FLCN: variants seen among roughly 807,000 people sequenced by gnomAD.
FLCN encodes the protein BHD skin lesion fibrofolliculoma protein.
FLCN carries 22 observed loss-of-function variants against 62.5 expected under a neutral mutation model. The observed-to-expected ratio is 0.35, with a 90% confidence interval of 0.25 to 0.50. FLCN has a LOEUF of 0.50. FLCN is among the 20% of genes least tolerant of loss of function. FLCN has a pLI of 0.97. For synonymous variants in FLCN, 319 were observed against 310.0 expected, an observed-to-expected ratio of 1.03 and a Z score of -0.30; for missense variants, 657 against 778.0, an observed-to-expected ratio of 0.84 and a Z score of 1.85.
intron 12 of FLCN, 43 bp from the exon 13 acceptor site, chr17:17,215,133 C>T (rs751386878): frequency 2.8e-5 from 45 of 1,613,818 alleles, no homozygotes; most frequent in East Asian, 4.5e-5. Context: ...GGCGTTAGCG[C>T]GGGGCGGGGG....
intron 4 of FLCN, among the ~76,000 whole-genome samples, chr17:17,227,349 C>T (rs934239281): frequency 1.5e-4 from 22 of 151,626 alleles, no homozygotes; most frequent in African/African-American, 5.1e-4. Context: ...TTTGGGGACC[C>T]GCCTCCAGGA....
chr17:17,219,471 C>A, intron 8 of FLCN: 1 of 506,518 alleles, frequency 2.0e-6, no homozygotes, highest in South Asian at 2.3e-5. Flanking sequence ...TGAGAAAACT[C>A]AAATCAGTAA....
rs1211934116 is a variant in FLCN, at chr17:17,226,295, G to C, written c.277C>G (p.Pro93Ala). The C allele has an allele frequency of 6.2e-7, 1 of 1,614,172 alleles. No individual in the cohort carries two copies. The highest frequency in any genetic ancestry group is 8.5e-7 in the Non-Finnish European group (1 of 1,180,042). The change falls in exon 5 of 14, where the codon CCG becomes GCG. Residue 93 changes from proline (P) to alanine (A), a missense_variant. Coordinates refer to ENST00000285071, the MANE Select transcript of FLCN (RefSeq NM_144997.7). Reference protein sequence around the residue: ...EGCRSLAAGHPGYISHDKETS... With the variant: ...EGCRSLAAGHAGYISHDKETS... ...TCTTTATCATGGCTGATATATCCCG[G>C]GTGCCCTGCAGCAAGTGACCGGCAG... is the stretch of plus-strand genomic sequence containing the variant.
rs1424120563 is a variant in FLCN at position 17,213,333 on chromosome 17, G to A, written c.*322C>T. 4.0e-6 allele frequency: 2 copies of A among 504,904 alleles called. No individual in the cohort carries two copies. Among genetic ancestry groups the A allele is most frequent in the Admixed American group, 3.2e-5 (1 of 30,918 alleles). 31.3% of individuals were successfully genotyped at this position (504,904 alleles called of 1,614,324 possible). On this transcript the variant is annotated 3_prime_UTR_variant, in exon 14 of 14. Coordinates refer to ENST00000285071, the MANE Select transcript of FLCN (RefSeq NM_144997.7). Reference sequence around the variant, plus strand: ...ACTGAGTCGGACCTGTTTCTCCTGCGGGTTTTGAGTCTAAGTCCACAAGGG... The same window carrying A: ...ACTGAGTCGGACCTGTTTCTCCTGCAGGTTTTGAGTCTAAGTCCACAAGGG...
Position 17,216,997 on chromosome 17 carries a change from C to T in FLCN, c.1176+72G>A, listed in dbSNP as rs1160842458. 6.2e-6 allele frequency: 7 copies of T among 1,135,512 alleles called. No homozygotes were observed. Among genetic ancestry groups the T allele is most frequent in the Non-Finnish European group, 9.3e-6 (7 of 750,318 alleles). The allele number at this position is 1,135,512 out of a possible 1,614,324, so 70.3% of individuals were successfully genotyped here. On this transcript the variant is annotated intron_variant, in intron 10 of 13. Coordinates refer to ENST00000285071, the MANE Select transcript of FLCN (RefSeq NM_144997.7). This position sits in a 1 kb window ranked among gnomAD's most constrained non-coding sequence, Gnocchi z 4.0. ...GTGCTGGGCAGTCGGTGCACCTTGG[C>T]ATCCCCACCTGACGCCAGGCACCAG...
intron 1 of FLCN, among the ~76,000 whole-genome samples, chr17:17,233,687 G>A (rs527637572): frequency 9.3e-5 from 14 of 150,236 alleles, no homozygotes; most frequent in Admixed American, 3.3e-4. Flanking sequence ...TTCAGCCTGG[G>A]AGGTCAAGGC....
At chr17:17,228,377 A>C in intron 3 of FLCN, 1 of 568,328 alleles carries the variant, frequency 1.8e-6, no homozygotes, top group Non-Finnish European at 3.1e-6. Flanking sequence ...CAAATAGGGG[A>C]GGGGACAATG....
chr17:17,214,574 A>G (rs2046851818), intron 13 of FLCN, among the ~76,000 whole-genome samples: 1 of 152,190 alleles, frequency 6.6e-6, no homozygotes, highest in African/African-American at 2.4e-5. Flanking sequence ...AGCCTGGGCA[A>G]CAAGAGCCAA....
At chr17:17,226,436 T>C in intron 4 of FLCN, 114 bp from the exon 5 acceptor site, 1 of 1,283,478 alleles carries the variant, frequency 7.8e-7, no homozygotes, top group East Asian at 2.4e-5. Context: ...AAAAAAATAA[T>C]TGGCTTCCAG....
At position 17,219,162 on chromosome 17, in the gene FLCN, C is replaced by T. The variant is rs932256543; in HGVS notation, c.919G>A (p.Glu307Lys). 2 of 1,614,216 alleles carry T rather than the reference C, an allele frequency of 1.2e-6. No homozygotes were observed. The highest frequency in any genetic ancestry group is 1.7e-6 in the Non-Finnish European group (2 of 1,180,046). The change falls in exon 9 of 14, where the codon GAG becomes AAG. Residue 307 changes from glutamate to lysine, a missense_variant. Physicochemically the swap from Glu to Lys is moderately conservative, Grantham distance 56. Coordinates refer to ENST00000285071, the MANE Select transcript of FLCN (RefSeq NM_144997.7). ...TCTGGCAACACAGGGGCTTTCTCCTCCTCTTCAGCCTCAGAGTTGTCCCAG... is the reference window on the plus strand; with the variant it reads ...TCTGGCAACACAGGGGCTTTCTCCTTCTCTTCAGCCTCAGAGTTGTCCCAG... ...ESWDNSEAEE[E>K]EKAPVLPEST...
At position 17,213,654 on chromosome 17, in the gene FLCN, G is replaced by A. The variant is rs759292330; in HGVS notation, c.*1C>T. The A allele has an allele frequency of 2.4e-5, 39 of 1,614,010 alleles. No homozygotes were observed. Among genetic ancestry groups the A allele is most frequent in the Non-Finnish European group, 3.2e-5 (38 of 1,180,042 alleles). On this transcript the variant is annotated 3_prime_UTR_variant, in exon 14 of 14. Coordinates refer to ENST00000285071, the MANE Select transcript of FLCN (RefSeq NM_144997.7). ...GTCTTTAGGCAGGTGTGTGTGACGG[G>A]TCAGTTCCGAGACTCCGAGGCTGTG...
In FLCN at chr17:17,216,115, G is replaced by A. The variant is rs903712714; in HGVS notation, c.1300+265C>T. Among the ~76,000 whole-genome samples, 4 of 152,254 alleles carry A rather than the reference G, an allele frequency of 2.6e-5. No individual in the cohort carries two copies. Among genetic ancestry groups the A allele is most frequent in the East Asian group, 3.9e-4 (2 of 5,190 alleles). On this transcript the variant is annotated intron_variant, in intron 11 of 13. Transcript: ENST00000285071. This position sits in a 1 kb window ranked among gnomAD's most constrained non-coding sequence, Gnocchi z 4.0. Reference sequence around the variant, plus strand: ...ATCACCAGGACGACCAGGATCCTCCGGCCAGGGACACATCCTCCCACCCCA... The same window carrying A: ...ATCACCAGGACGACCAGGATCCTCCAGCCAGGGACACATCCTCCCACCCCA...
rs41459448 is a variant in FLCN, at chr17:17,216,402, G to A, written c.1278C>T (p.Ile426=). Residue 426 remains isoleucine, a synonymous_variant, in exon 11 of 14, where the codon ATC becomes ATT. Transcript: ENST00000285071. This position sits in a 1 kb window ranked among gnomAD's most constrained non-coding sequence, Gnocchi z 4.0. The part of the protein sequence containing the change: ...NFLGLSPHVQ[I]PPHVLSSEFA... The stretch of plus-strand genomic sequence containing the variant: ...CACCTGAGGAGAGCACGTGGGGGGG[G>A]ATCTGCACGTGCGGGCTGAGCCCCA... The A allele has an allele frequency of 1.4e-4, 225 of 1,613,664 alleles. No individual in the cohort carries two copies. The highest frequency in any genetic ancestry group is 1.8e-4 in the Non-Finnish European group (216 of 1,179,758).
Position 17,214,462 on chromosome 17 carries a change from T to C in FLCN, c.1538+523A>G, listed in dbSNP as rs577626041. Among the ~76,000 whole-genome samples the C allele has an allele frequency of 1.4e-3, 208 of 151,914 alleles. 2 individuals are homozygous for C. Among genetic ancestry groups the C allele is most frequent in the Non-Finnish European group, 3.5e-4 (24 of 67,966 alleles). On this transcript the variant is annotated intron_variant, in intron 13 of 13. Transcript: ENST00000285071. ...TACAAATATTAGCCAGGCATGGTGG[T>C]GGGTGCCTGTAATCCCAGCTACTCC... is the stretch of plus-strand genomic sequence containing the variant.
intron 7 of FLCN, among the ~76,000 whole-genome samples, 173 bp from the exon 8 acceptor site, chr17:17,221,801 G>A (rs961441848): frequency 2.0e-5 from 3 of 152,184 alleles, no homozygotes; most frequent in African/African-American, 7.2e-5. Context: ...AACGACCAAG[G>A]TCCTTCAATA....
At chr17:17,217,925 G>C (rs2046973624) in intron 9 of FLCN, among the ~76,000 whole-genome samples, 1 of 152,122 alleles carries the variant, frequency 6.6e-6, no homozygotes, top group Admixed American at 6.6e-5. Flanking sequence ...CACCTCCAGA[G>C]GAATTCCAGA....
rs2046788053 is a variant in FLCN, at chr17:17,212,399, T to C, written c.*1256A>G. 3 of 173,644 alleles carry C rather than the reference T, an allele frequency of 1.7e-5. No homozygotes were observed. The East Asian group carries it at 2.8e-4, about 16-fold the overall frequency. The allele number at this position is 173,644 out of a possible 1,614,324, so 10.8% of individuals were successfully genotyped here. On this transcript the variant is annotated 3_prime_UTR_variant, in exon 14 of 14. Transcript: ENST00000285071. The stretch of plus-strand genomic sequence containing the variant: ...GTATAGTGGGGGGTACCTGTAGCTG[T>C]ATGTTGAAGCAGGAGGACTGCTTGA...
chr17:17,234,210 T>TG (rs1436619680), intron 1 of FLCN, among the ~76,000 whole-genome samples: 3 of 104,630 alleles, frequency 2.9e-5, no homozygotes, highest in African/African-American at 6.1e-5. Context: ...TTTGTTTTTT[T>TG]TTGGTTTGTT....
chr17:17,227,580 G>A (rs1048648610), intron 4 of FLCN, among the ~76,000 whole-genome samples: 2 of 152,176 alleles, frequency 1.3e-5, no homozygotes, highest in Non-Finnish European at 2.9e-5. Context: ...AGGCGTGGTG[G>A]CAGGCAAGTG....
Sources: allele counts gnomAD v4.1 joint callset (sites outside exome capture counted in the v4.1 genomes callset), GRCh38; gene constraint gnomAD v4.1.1; non-coding constraint Gnocchi (gnomAD v3.1); transcripts MANE v1.5; gene names NCBI Gene and HGNC (gene_info 2026-07-23, HGNC 2026-07-21).